The following FSTL4 variants were observed in gnomAD, a reference collection of about 807,000 sequenced individuals.
The protein encoded by FSTL4 is follistatin-related protein 4.
In FSTL4, 28 loss-of-function variants were observed where a neutral mutation model predicts 78.2. The ratio of observed to expected loss-of-function variants is 0.36; its 90% CI spans 0.27 to 0.49. The LOEUF (loss-of-function observed/expected upper bound fraction) is 0.49. Ranked by LOEUF, FSTL4 falls within the 20% of genes least tolerant of loss-of-function variation. The pLI is 0.98. For missense variants in FSTL4, 922 were observed against 1,084.9 expected (o/e 0.85, Z 2.11); for synonymous variants, 422 against 440.5 (o/e 0.96, Z 0.53).
chr5:133,473,795 C>T (rs756188874), intron 3 of FSTL4, among the ~76,000 whole-genome samples: 1 of 152,168 alleles, frequency 6.6e-6, no homozygotes, highest in Non-Finnish European at 1.5e-5. Context: ...TGGTAGAAGG[C>T]ACCTCTTCAC....
chr5:133,742,006 T>C, the FSTL4 span, among the ~76,000 whole-genome samples: 1 of 152,162 alleles, frequency 6.6e-6, no homozygotes, highest in Admixed American at 6.5e-5. Flanking sequence ...AGGACCAACA[T>C]TGCATGAACT....
At chr5:133,215,765 C>T (rs1750887280) in intron 13 of FSTL4, among the ~76,000 whole-genome samples, 1 of 152,166 alleles carries the variant, frequency 6.6e-6, no homozygotes, top group Admixed American at 6.5e-5. Context: ...TTTTTCCAGT[C>T]TCCAGAGCTG....
the FSTL4 span, among the ~76,000 whole-genome samples, chr5:133,669,489 G>A: frequency 1.3e-5 from 2 of 152,298 alleles, no homozygotes; most frequent in South Asian, 4.1e-4. Flanking sequence ...CTTCAGCCAG[G>A]GAGGTGTCTT....
intron 4 of FSTL4, among the ~76,000 whole-genome samples, chr5:133,378,906 T>C (rs1755504518): frequency 6.6e-6 from 1 of 152,152 alleles, no homozygotes; most frequent in African/African-American, 2.4e-5. Flanking sequence ...ATTTCAAATA[T>C]AAATCCAACT....
intron 4 of FSTL4, among the ~76,000 whole-genome samples, chr5:133,368,637 C>G (rs922669930): frequency 1.3e-5 from 2 of 152,218 alleles, no homozygotes; most frequent in African/African-American, 4.8e-5. Flanking sequence ...GAACTCAGGT[C>G]TCTTGATGCC....
the FSTL4 span, among the ~76,000 whole-genome samples, chr5:133,640,240 T>C: frequency 6.6e-6 from 1 of 152,184 alleles, no homozygotes; most frequent in East Asian, 1.9e-4. Context: ...TGGTCACAAA[T>C]CCACCCGGAG....
At chr5:133,494,397 T>C (rs1758329238) in intron 3 of FSTL4, among the ~76,000 whole-genome samples, 1 of 152,066 alleles carries the variant, frequency 6.6e-6, no homozygotes, top group Non-Finnish European at 1.5e-5. Flanking sequence ...ATGTGTAATT[T>C]AATTTCCTTA....
intron 3 of FSTL4, among the ~76,000 whole-genome samples, chr5:133,467,716 C>T (rs1757745276): frequency 6.6e-6 from 1 of 152,096 alleles, no homozygotes; most frequent in South Asian, 2.1e-4. Context: ...TAGAGGCTTG[C>T]ACCCCCACCC....
intron 3 of FSTL4, among the ~76,000 whole-genome samples, chr5:133,495,572 C>T (rs750146626): frequency 2.6e-5 from 4 of 152,184 alleles, no homozygotes; most frequent in African/African-American, 9.7e-5. Flanking sequence ...ACACCTTCTA[C>T]AAAGAGAGAA....
chr5:133,782,028 C>T, the FSTL4 span, among the ~76,000 whole-genome samples: 11 of 152,316 alleles, frequency 7.2e-5, 1 homozygote, highest in South Asian at 2.3e-3. Context: ...CACAATTACC[C>T]ATCAAAGGCT....
the FSTL4 span, among the ~76,000 whole-genome samples, chr5:133,809,327 CT>C: frequency 7.0e-6 from 1 of 143,484 alleles, no homozygotes; most frequent in South Asian, 2.2e-4. Context: ...GATCGCACCA[CT>C]GCACTCCAGC....
chr5:133,594,051 C>T lies in FSTL4; in HGVS notation c.126+9807G>A, dbSNP rs1038693511. Among the ~76,000 whole-genome samples the T allele has an allele frequency of 3.3e-5, 5 of 152,250 alleles. No individual in the cohort carries two copies. In the East Asian group the frequency reaches 7.7e-4, roughly 24 times the overall value. On this transcript the variant is annotated intron_variant, in intron 2 of 15. Transcript: ENST00000265342. ...TAAGATTTAAGTCAACCAGATGTCC[C>T]GATTGGCCAAGCCAGCCCAGGGCTC... is the stretch of plus-strand genomic sequence containing the variant.
chr5:133,314,301 T>A (rs555090199), intron 5 of FSTL4, among the ~76,000 whole-genome samples: 1 of 152,312 alleles, frequency 6.6e-6, no homozygotes, highest in East Asian at 1.9e-4. Flanking sequence ...TGGGGCCTAG[T>A]GCTGATGGAG....
At chr5:133,661,805 A>G in the FSTL4 span, among the ~76,000 whole-genome samples, 7 of 152,256 alleles carry the variant, frequency 4.6e-5, no homozygotes. Flanking sequence ...GGGCATTACA[A>G]CAGATTCTTT....
the FSTL4 span, among the ~76,000 whole-genome samples, chr5:133,710,399 A>T: frequency 6.6e-6 from 1 of 152,184 alleles, no homozygotes; most frequent in Non-Finnish European, 1.5e-5. Context: ...CTGGGTTTAC[A>T]CTTACTGTCC....
At chr5:133,717,362 T>A in the FSTL4 span, among the ~76,000 whole-genome samples, 2 of 152,272 alleles carry the variant, frequency 1.3e-5, no homozygotes. Flanking sequence ...TTCATTAGGA[T>A]GGCAGAAATA....
the FSTL4 span, among the ~76,000 whole-genome samples, chr5:133,644,292 A>C: frequency 6.6e-6 from 1 of 152,048 alleles, no homozygotes; most frequent in East Asian, 1.9e-4. Context: ...CTGAGTAAAA[A>C]ACTAAAGTCT....
intron 6 of FSTL4, among the ~76,000 whole-genome samples, chr5:133,297,211 T>C (rs1181554475): frequency 6.6e-6 from 1 of 152,234 alleles, no homozygotes; most frequent in Non-Finnish European, 1.5e-5. Flanking sequence ...AAATGCGTAT[T>C]AATTGGTTAT....
the FSTL4 span, among the ~76,000 whole-genome samples, chr5:133,644,665 C>A: frequency 6.6e-6 from 1 of 152,068 alleles, no homozygotes; most frequent in African/African-American, 2.4e-5. Context: ...CAAGTGACAG[C>A]CCGATTATTT....
Sources: allele counts gnomAD v4.1 joint callset (sites outside exome capture counted in the v4.1 genomes callset), GRCh38; gene constraint gnomAD v4.1.1; transcripts MANE v1.5; gene names NCBI Gene and HGNC (gene_info 2026-07-23, HGNC 2026-07-21).